PLCL1: variants seen among roughly 807,000 people sequenced by gnomAD.
PLCL1 encodes inactive phospholipase C-like protein 1.
In PLCL1, 41 loss-of-function variants were observed where a neutral mutation model predicts 84.4. The observed-to-expected ratio is 0.49, with a 90% confidence interval of 0.38 to 0.63. The LOEUF (loss-of-function observed/expected upper bound fraction) is 0.63, where lower values mean the gene tolerates loss of function less well. PLCL1 is among the 30% of genes least tolerant of loss of function. The probability of loss-of-function intolerance (pLI) is 0.00; values close to 1 mark genes in which losing one functional copy is unlikely to be tolerated. For synonymous variants in PLCL1, 490 were observed against 488.3 expected (o/e 1.00, Z -0.05); for missense variants, 1,206 against 1,367.8 (o/e 0.88, Z 1.87).
intron 1 of PLCL1, among the ~76,000 whole-genome samples, chr2:197,922,905 T>C (rs1574950278): frequency 3.8e-5 from 5 of 130,064 alleles, no homozygotes; most frequent in Non-Finnish European, 3.3e-5. Flanking sequence ...GGCGGGGGGC[T>C]GACCCCCCCA....
intron 5 of PLCL1, among the ~76,000 whole-genome samples, chr2:198,132,798 A>G (rs963707059): frequency 9.9e-5 from 15 of 151,988 alleles, no homozygotes; most frequent in African/African-American, 3.1e-4. Flanking sequence ...CTCTGATGGT[A>G]GTTTCTTTTG....
At chr2:198,087,543 A>G (rs1407253443) in intron 2 of PLCL1, among the ~76,000 whole-genome samples, 1 of 152,154 alleles carries the variant, frequency 6.6e-6, no homozygotes, top group Non-Finnish European at 1.5e-5. Context: ...AAATTTGAAA[A>G]TGTTAATGCA....
chr2:197,958,459 C>CA (rs1275902636), intron 1 of PLCL1, among the ~76,000 whole-genome samples: 1 of 151,990 alleles, frequency 6.6e-6, no homozygotes, highest in African/African-American at 2.4e-5. Flanking sequence ...CACATGCAGC[C>CA]ACAGGCCATG....
At chr2:197,868,773 C>T (rs1687594232) in intron 1 of PLCL1, among the ~76,000 whole-genome samples, 2 of 151,806 alleles carry the variant, frequency 1.3e-5, no homozygotes. Flanking sequence ...ACCTCAGCCT[C>T]CCAAAGAGCT....
At chr2:198,070,744 C>T (rs148269513) in intron 1 of PLCL1, among the ~76,000 whole-genome samples, 55 of 151,770 alleles carry the variant, frequency 3.6e-4, no homozygotes, top group African/African-American at 1.1e-3. Context: ...AAATTTTAAC[C>T]GTTCTACTTA....
chr2:198,128,277 C>G (rs1013491309), intron 5 of PLCL1, among the ~76,000 whole-genome samples: 3 of 152,114 alleles, frequency 2.0e-5, no homozygotes, highest in African/African-American at 7.2e-5. Context: ...TTGGGTTCAC[C>G]TTTCATGCTA....
At chr2:198,061,979 G>A (rs1348082470) in intron 1 of PLCL1, among the ~76,000 whole-genome samples, 1 of 152,178 alleles carries the variant, frequency 6.6e-6, no homozygotes, top group Non-Finnish European at 1.5e-5. Context: ...GAGAAGAAAT[G>A]TATTCCATCC....
At chr2:198,032,637 G>A (rs936593664) in intron 1 of PLCL1, among the ~76,000 whole-genome samples, 1 of 151,994 alleles carries the variant, frequency 6.6e-6, no homozygotes, top group African/African-American at 2.4e-5. Flanking sequence ...TCTAGTGTGT[G>A]CTAGAATCTT....
chr2:197,917,304 T>A (rs1688616134), intron 1 of PLCL1, among the ~76,000 whole-genome samples: 2 of 152,194 alleles, frequency 1.3e-5, no homozygotes, highest in African/African-American at 2.4e-5. Context: ...AAATAAAATA[T>A]TATTCATTGA....
At chr2:198,089,760 C>T (rs951419562) in intron 3 of PLCL1, among the ~76,000 whole-genome samples, 1 of 152,098 alleles carries the variant, frequency 6.6e-6, no homozygotes, top group Non-Finnish European at 1.5e-5. Context: ...TATTAAGGGA[C>T]AACCAATAGT....
intron 1 of PLCL1, among the ~76,000 whole-genome samples, chr2:197,963,288 C>T (rs1421298252): frequency 2.6e-5 from 4 of 151,992 alleles, no homozygotes; most frequent in East Asian, 1.9e-4. Context: ...TTAACTGGGG[C>T]GAGATGATAT....
intron 1 of PLCL1, among the ~76,000 whole-genome samples, chr2:197,902,677 T>C (rs1039047865): frequency 3.3e-5 from 5 of 152,182 alleles, no homozygotes; most frequent in Non-Finnish European, 7.3e-5. Context: ...AAATGACAAA[T>C]GCCAGGCTTT....
rs149472867 is a variant in PLCL1, at chr2:198,072,780, T to C, written c.241-10978T>C. ...CAATTTACTTATTGAATTACATTGA[T>C]GGACTGTCTCATGTTGACTCATTCC... On this transcript the variant is annotated intron_variant, in intron 1 of 5. Coordinates refer to ENST00000428675, the MANE Select transcript of PLCL1 (RefSeq NM_006226.4). Among the ~76,000 whole-genome samples the C allele has an allele frequency of 6.8e-4, 104 of 152,270 alleles. 3 individuals carry two copies. The South Asian group carries it at 0.013, about 20-fold the overall frequency.
intron 1 of PLCL1, among the ~76,000 whole-genome samples, chr2:198,041,809 C>T (rs1007464410): frequency 6.6e-6 from 1 of 152,092 alleles, no homozygotes; most frequent in African/African-American, 2.4e-5. Context: ...AGAGAATATT[C>T]TAGGTGAAGA....
intron 1 of PLCL1, among the ~76,000 whole-genome samples, chr2:197,886,432 A>C (rs1373257496): frequency 1.9e-5 from 1 of 51,668 alleles, no homozygotes; most frequent in Non-Finnish European, 3.9e-5. Flanking sequence ...AAAAAAAAAA[A>C]AAAAAAAAAA....
chr2:198,030,884 G>A (rs1691398302), intron 1 of PLCL1, among the ~76,000 whole-genome samples: 1 of 152,112 alleles, frequency 6.6e-6, no homozygotes, highest in Non-Finnish European at 1.5e-5. Flanking sequence ...AATATAGAAG[G>A]CAGACTTTCT....
intron 1 of PLCL1, among the ~76,000 whole-genome samples, chr2:197,826,463 T>G (rs1004203460): frequency 6.6e-6 from 1 of 152,210 alleles, no homozygotes; most frequent in Non-Finnish European, 1.5e-5. Flanking sequence ...TCTCTTACTA[T>G]TTAATGTTTT....
At chr2:198,058,082 T>C (rs1559088866) in intron 1 of PLCL1, among the ~76,000 whole-genome samples, 1 of 152,198 alleles carries the variant, frequency 6.6e-6, no homozygotes, top group Non-Finnish European at 1.5e-5. Flanking sequence ...AAACTGGTTT[T>C]CGAACTGCAG....
intron 1 of PLCL1, among the ~76,000 whole-genome samples, chr2:197,931,256 G>A (rs997749644): frequency 2.6e-5 from 4 of 152,246 alleles, no homozygotes; most frequent in Admixed American, 1.3e-4. Context: ...AGATCTGGTC[G>A]GTGAAAGTCA....
Sources: gnomAD v4.1 joint callset for allele counts (sites outside exome capture counted in the v4.1 genomes callset) on GRCh38, gnomAD v4.1.1 for gene constraint, MANE v1.5 for transcripts, NCBI Gene and HGNC (gene_info 2026-07-23, HGNC 2026-07-21) for gene names.